Variants in CACNA1D observed in about 807,000 individuals in gnomAD.
CACNA1D encodes the protein calcium voltage-gated channel subunit alpha1 D.
Under a neutral mutation model 257.1 loss-of-function variants are expected in CACNA1D, and 55 were observed. The observed-to-expected ratio is 0.21, with a 90% CI of 0.17 to 0.27. The LOEUF is 0.27. Ranked by LOEUF, CACNA1D falls within the 10% of genes least tolerant of loss-of-function variation. The pLI, the probability that CACNA1D is intolerant of heterozygous loss-of-function variation, is 1.00. For missense variants in CACNA1D, 1,876 were observed against 2,784.0 expected (o/e 0.67, Z 7.34); for synonymous variants, 980 against 1,014.9 (o/e 0.97, Z 0.65).
intron 3 of CACNA1D, among the ~76,000 whole-genome samples, chr3:53,602,912 T>C (rs1011028603): frequency 2.6e-5 from 4 of 152,264 alleles, no homozygotes; most frequent in African/African-American, 9.6e-5. Flanking sequence ...CTATTCACTT[T>C]GTTGACTGTT....
chr3:53,662,761 C>T (rs958634630), intron 5 of CACNA1D, among the ~76,000 whole-genome samples: 3 of 152,222 alleles, frequency 2.0e-5, no homozygotes, highest in Non-Finnish European at 4.4e-5. Flanking sequence ...TACATGTTCA[C>T]AGTCGGATAC....
rs1369500136 is a variant in CACNA1D at position 53,673,833 on chromosome 3, G to A, written c.1220+707G>A. On this transcript the variant is annotated intron_variant, in intron 8 of 47. Transcript: ENST00000350061. This position sits in a 1 kb window ranked among gnomAD's most constrained non-coding sequence, Gnocchi z 4.1. ...CCTTAGTGGGTAAGCAGTCGGATCC[G>A]TGTTGCACCTTCTCCTGCTGCCACG... 7.9e-6 allele frequency: 12 copies of A among 1,516,800 alleles called. No individual in the cohort carries two copies. Among genetic ancestry groups the A allele is most frequent in the South Asian group, 4.5e-5 (4 of 89,078 alleles). The allele number at this position is 1,516,800 out of a possible 1,614,324, so 94.0% of individuals were successfully genotyped here.
At chr3:53,734,832 G>A (rs1173619472) in intron 19 of CACNA1D, among the ~76,000 whole-genome samples, 1 of 152,152 alleles carries the variant, frequency 6.6e-6, no homozygotes, top group African/African-American at 2.4e-5. Flanking sequence ...AGCCAGAGAT[G>A]TCCTGAAGTC....
chr3:53,643,293 A>G (rs2093982315), intron 3 of CACNA1D, among the ~76,000 whole-genome samples: 1 of 151,902 alleles, frequency 6.6e-6, no homozygotes, highest in Non-Finnish European at 1.5e-5. Context: ...ATTTACAGCC[A>G]AGCATCTCTG....
chr3:53,588,617 G>C (rs1373303071), intron 3 of CACNA1D, among the ~76,000 whole-genome samples: 1 of 152,164 alleles, frequency 6.6e-6, no homozygotes, highest in African/African-American at 2.4e-5. Context: ...GTCAGCAGGC[G>C]ACCCTTGTTT....
chr3:53,763,550 G>A (rs1443190498), intron 30 of CACNA1D, among the ~76,000 whole-genome samples: 1 of 152,226 alleles, frequency 6.6e-6, no homozygotes, highest in Non-Finnish European at 1.5e-5. Flanking sequence ...TCGAGAGAGT[G>A]GGCGGAGCAC....
chr3:53,672,716 G>C (rs1360091696), intron 7 of CACNA1D, among the ~76,000 whole-genome samples: 1 of 149,936 alleles, frequency 6.7e-6, no homozygotes, highest in Non-Finnish European at 1.5e-5. Flanking sequence ...TCCTTCCTGG[G>C]GCCAAAATCT....
chr3:53,718,771 G>A (rs761535195), intron 10 of CACNA1D: 1 of 1,537,156 alleles, frequency 6.5e-7, no homozygotes, highest in Non-Finnish European at 8.8e-7. Context: ...TCCAGCCTGG[G>A]TTTGGCATTT....
chr3:53,660,106 C>T (rs560728987), intron 4 of CACNA1D, 27 bp from the exon 5 acceptor site: 19 of 1,608,900 alleles, frequency 1.2e-5, no homozygotes, highest in Admixed American at 8.3e-5. Flanking sequence ...CAGACTCTAA[C>T]ATTTCTTTCT....
At chr3:53,609,673 A>C (rs528914208) in intron 3 of CACNA1D, among the ~76,000 whole-genome samples, 1 of 152,284 alleles carries the variant, frequency 6.6e-6, no homozygotes, top group Admixed American at 6.5e-5. Context: ...CGATCAGTCT[A>C]GCTGGAAATT....
At chr3:53,691,749 A>ATATATATTATATCTATAAT (rs1553636948) in intron 8 of CACNA1D, among the ~76,000 whole-genome samples, 11 of 50,016 alleles carry the variant, frequency 2.2e-4, no homozygotes, top group East Asian at 1.4e-3. Context: ...TTACATATAT[A>ATATATATTATATCTATAAT]ATATATATTA....
intron 3 of CACNA1D, among the ~76,000 whole-genome samples, chr3:53,543,983 C>T (rs2092359125): frequency 6.6e-6 from 1 of 152,106 alleles, no homozygotes; most frequent in South Asian, 2.1e-4. Context: ...TGTGTGTTTC[C>T]TTCGTTTGTG....
intron 11 of CACNA1D, among the ~76,000 whole-genome samples, chr3:53,720,474 A>C (rs1170725079): frequency 2.0e-5 from 3 of 152,222 alleles, no homozygotes. Context: ...GGTTAGCTTC[A>C]GACTTGGAGA....
intron 22 of CACNA1D, among the ~76,000 whole-genome samples, chr3:53,743,453 C>G (rs1178670847): frequency 6.6e-6 from 1 of 152,250 alleles, no homozygotes; most frequent in African/African-American, 2.4e-5. Context: ...AGGGCATCCT[C>G]TCTCAGGAAC....
intron 3 of CACNA1D, among the ~76,000 whole-genome samples, chr3:53,506,562 C>T (rs1020340437): frequency 2.6e-5 from 4 of 152,214 alleles, no homozygotes; most frequent in Non-Finnish European, 5.9e-5. Flanking sequence ...AGGAAATGCA[C>T]GTCAAATGAG....
intron 45 of CACNA1D, among the ~76,000 whole-genome samples, chr3:53,806,089 T>G (rs1040858262): frequency 7.2e-6 from 1 of 138,292 alleles, no homozygotes; most frequent in Admixed American, 7.2e-5. Flanking sequence ...TTCCCTCATC[T>G]TCCTCCTCCT....
chr3:53,499,438 C>T (rs2090495390), intron 2 of CACNA1D, among the ~76,000 whole-genome samples: 1 of 151,972 alleles, frequency 6.6e-6, no homozygotes, highest in African/African-American at 2.4e-5. Context: ...GGTCAAGGGT[C>T]ATTTGTTTTT....
Position 53,516,114 on chromosome 3 carries a change from C to A in CACNA1D, c.483+14394C>A, listed in dbSNP as rs74586475. Among the ~76,000 whole-genome samples the A allele has an allele frequency of 1.5e-3, 227 of 152,346 alleles. 6 individuals are homozygous for A. The South Asian group carries it at 0.027, about 18-fold the overall frequency. ...TCTCATCTCACTTTTCATGTGGGAT[C>A]TTTGTGAGGAGTCAATACAAATAAT... On this transcript the variant is annotated intron_variant, in intron 3 of 47. Coordinates refer to ENST00000350061, the MANE Select transcript of CACNA1D (RefSeq NM_001128840.3).
At position 53,673,867 on chromosome 3, in the gene CACNA1D, A is replaced by T; in HGVS notation, c.1220+741A>T. ...CTTCTCCTGCTGCCACGTGTGAGGCAACTCTGCGTGTCTCCTAGCTGCTCC... is the reference window on the plus strand; with the variant it reads ...CTTCTCCTGCTGCCACGTGTGAGGCTACTCTGCGTGTCTCCTAGCTGCTCC... On this transcript the variant is annotated intron_variant, in intron 8 of 47. Coordinates refer to ENST00000350061, the MANE Select transcript of CACNA1D (RefSeq NM_001128840.3). This position sits in a 1 kb window ranked among gnomAD's most constrained non-coding sequence, Gnocchi z 4.1. The T allele has an allele frequency of 8.8e-7, 1 of 1,138,188 alleles. No individual in the cohort carries two copies. The highest frequency in any genetic ancestry group is 1.3e-6 in the Non-Finnish European group (1 of 745,422). The allele number at this position is 1,138,188 out of a possible 1,614,324, so 70.5% of individuals were successfully genotyped here. A position where few individuals can be genotyped will look rare whatever the true frequency, so the allele number is the denominator to read the frequency against.
Sources: gnomAD v4.1 joint callset for allele counts (sites outside exome capture counted in the v4.1 genomes callset) on GRCh38, gnomAD v4.1.1 for gene constraint, Gnocchi (gnomAD v3.1) non-coding constraint, MANE v1.5 for transcripts, NCBI Gene and HGNC (gene_info 2026-07-23, HGNC 2026-07-21) for gene names.